PCDHGA3: variants seen among roughly 807,000 people sequenced by gnomAD.
PCDHGA3 encodes the protein protocadherin gamma subfamily A, 3.
Under a neutral mutation model 58.5 loss-of-function variants are expected in PCDHGA3, and 40 were observed. The observed-to-expected ratio is 0.68, with a 90% CI of 0.53 to 0.89. PCDHGA3 has a LOEUF of 0.89. Among genes scored for constraint, PCDHGA3 ranks in the 40% least tolerant of loss-of-function variants. The probability of loss-of-function intolerance (pLI) is 0.00; values close to 1 mark genes in which losing one functional copy is unlikely to be tolerated. For synonymous variants in PCDHGA3, 530 were observed against 525.7 expected (o/e 1.01, Z -0.11); for missense variants, 1,223 against 1,195.9 (o/e 1.02, Z -0.33).
intron 1 of PCDHGA3, chr5:141,404,270 C>T (rs1359018673): frequency 5.0e-6 from 8 of 1,614,010 alleles, no homozygotes; most frequent in Non-Finnish European, 6.8e-6. Flanking sequence ...TCACATCACC[C>T]TGCAAGTGAC....
chr5:141,465,778 A>G (rs544366126), intron 1 of PCDHGA3, among the ~76,000 whole-genome samples: 1 of 148,538 alleles, frequency 6.7e-6, no homozygotes, highest in East Asian at 1.9e-4. Context: ...CTCTTGTTAC[A>G]GTTTTTTTTT....
At chr5:141,450,754 C>G (rs192088793) in intron 1 of PCDHGA3, among the ~76,000 whole-genome samples, 1 of 150,996 alleles carries the variant, frequency 6.6e-6, no homozygotes, top group Non-Finnish European at 1.5e-5. Context: ...CCCAAAGTGC[C>G]GGGATTACAG....
Position 141,384,136 on chromosome 5 carries a change from G to A in PCDHGA3, c.2424+37679G>A. ...GGTCACAACCAAAAACTTGGACCGG[G>A]AAACACTCTCTTTGTATAACATCAC... is the stretch of plus-strand genomic sequence containing the variant. On this transcript the variant is annotated intron_variant, in intron 1 of 3. Coordinates refer to ENST00000253812, the MANE Select transcript of PCDHGA3 (RefSeq NM_018916.4). The A allele has an allele frequency of 1.9e-6, 3 of 1,612,410 alleles. No individual in the cohort carries two copies. In the South Asian group the frequency reaches 3.3e-5, roughly 18 times the overall value.
rs925034052 is a variant in PCDHGA3, at chr5:141,486,630, T to G, written c.2425-8177T>G. 2 of 1,613,690 alleles carry G rather than the reference T, an allele frequency of 1.2e-6. No individual in the cohort carries two copies. Among genetic ancestry groups the G allele is most frequent in the Non-Finnish European group, 1.7e-6 (2 of 1,180,028 alleles). ...GCAGCCTCTGACCCAGACTCTGGCTTGAATGCGCTTATCTCCTACTCACTC... is the reference window on the plus strand; with the variant it reads ...GCAGCCTCTGACCCAGACTCTGGCTGGAATGCGCTTATCTCCTACTCACTC... On this transcript the variant is annotated intron_variant, in intron 1 of 3. Coordinates refer to ENST00000253812, the MANE Select transcript of PCDHGA3 (RefSeq NM_018916.4). This position sits in a 1 kb window ranked among gnomAD's most constrained non-coding sequence, Gnocchi z 5.0.
intron 1 of PCDHGA3, chr5:141,366,989 A>G (rs546484165): frequency 2.1e-6 from 1 of 480,916 alleles, no homozygotes; most frequent in African/African-American, 2.0e-5. Flanking sequence ...GAAAGTGGTT[A>G]AATATAATCA....
At chr5:141,350,388 C>T in intron 1 of PCDHGA3, 1 of 1,596,148 alleles carries the variant, frequency 6.3e-7, no homozygotes, top group Non-Finnish European at 8.6e-7. Flanking sequence ...GCCAACGGCT[C>T]ACGGGTGGGG....
intron 1 of PCDHGA3, chr5:141,415,733 T>C: frequency 7.1e-7 from 1 of 1,407,484 alleles, no homozygotes; most frequent in Non-Finnish European, 9.3e-7. Context: ...ATTTGATGTT[T>C]ATTAAGGTTT....
chr5:141,367,606 T>A (rs1765261229), intron 1 of PCDHGA3: 1 of 152,056 alleles, frequency 6.6e-6, no homozygotes, highest in African/African-American at 2.4e-5. Context: ...ATATTAATGA[T>A]AACATGTAGC....
rs1283050252 is a variant in PCDHGA3, at chr5:141,512,909, T to G, written c.*1736T>G. ...CCTCTTCCTGTGTCTCACGCAAGTT[T>G]TATACTCTAATATTTATATGGCTTT... On this transcript the variant is annotated 3_prime_UTR_variant, in exon 4 of 4. Coordinates refer to ENST00000253812, the MANE Select transcript of PCDHGA3 (RefSeq NM_018916.4). 6.6e-6 allele frequency: 1 copy of G among 152,268 alleles called. No homozygotes were observed. The highest frequency in any genetic ancestry group is 1.5e-5 in the Non-Finnish European group (1 of 68,056). 9.4% of individuals were successfully genotyped at this position (152,268 alleles called of 1,614,324 possible).
intron 1 of PCDHGA3, chr5:141,412,044 A>T (rs1403784619): frequency 6.6e-6 from 1 of 152,194 alleles, no homozygotes; most frequent in East Asian, 1.9e-4. Context: ...AAAGAAGTGA[A>T]CTTCTATACC....
rs779462820 is a variant in PCDHGA3, at chr5:141,374,112, G to A, written c.2424+27655G>A. ...GCGCCTCCGCAGAGGCATCCGCAGC[G>A]CAGCGAGCAGGTCCTGCTCCTCACG... On this transcript the variant is annotated intron_variant, in intron 1 of 3. Coordinates refer to ENST00000253812, the MANE Select transcript of PCDHGA3 (RefSeq NM_018916.4). The A allele has an allele frequency of 5.1e-6, 8 of 1,578,426 alleles. No homozygotes were observed. The African/African-American group carries it at 9.5e-5, about 19-fold the overall frequency.
intron 1 of PCDHGA3, chr5:141,384,204 A>T: frequency 4.3e-6 from 7 of 1,613,886 alleles, no homozygotes; most frequent in Non-Finnish European, 5.9e-6. Flanking sequence ...TGTCCAGGGA[A>T]ACTCACATAT....
At chr5:141,384,694 G>A (rs772190655) in intron 1 of PCDHGA3, 1 of 1,614,084 alleles carries the variant, frequency 6.2e-7, no homozygotes, top group Non-Finnish European at 8.5e-7. Context: ...CAAAGATTCA[G>A]GCCAGAACGC....
intron 2 of PCDHGA3, among the ~76,000 whole-genome samples, 177 bp from the exon 3 acceptor site, chr5:141,505,216 T>C (rs547855353): frequency 1.1e-4 from 17 of 152,234 alleles, no homozygotes; most frequent in Non-Finnish European, 2.9e-5. Context: ...AGGGACTGAC[T>C]TGTGGGATTC....
chr5:141,360,853 C>G (rs1463247472), intron 1 of PCDHGA3: 16 of 1,613,992 alleles, frequency 9.9e-6, no homozygotes, highest in Non-Finnish European at 1.4e-5. Context: ...CGATAACCCT[C>G]CAGTGTTCAG....
At chr5:141,349,875 G>A (rs919038227) in intron 1 of PCDHGA3, among the ~76,000 whole-genome samples, 1 of 152,078 alleles carries the variant, frequency 6.6e-6, no homozygotes, top group African/African-American at 2.4e-5. Flanking sequence ...AATGATGAAG[G>A]CCCTTATCTG....
intron 2 of PCDHGA3, among the ~76,000 whole-genome samples, chr5:141,500,008 C>T (rs1027220192): frequency 6.6e-6 from 1 of 151,770 alleles, no homozygotes; most frequent in African/African-American, 2.4e-5. Flanking sequence ...TTCATAAGGT[C>T]CACATTTTAT....
At chr5:141,371,323 A>C in intron 1 of PCDHGA3, 5 of 1,614,012 alleles carry the variant, frequency 3.1e-6, no homozygotes, top group Non-Finnish European at 4.2e-6. Flanking sequence ...CTGGACTTTG[A>C]AGAGAGAGAT....
intron 1 of PCDHGA3, chr5:141,364,932 A>G (rs1447586286): frequency 6.2e-7 from 1 of 1,613,886 alleles, no homozygotes. Context: ...CAGCCCCTAG[A>G]CCGCGAGAAA....
Sources: allele counts gnomAD v4.1 joint callset (sites outside exome capture counted in the v4.1 genomes callset), GRCh38; gene constraint gnomAD v4.1.1; non-coding constraint Gnocchi (gnomAD v3.1); transcripts MANE v1.5; gene names NCBI Gene and HGNC (gene_info 2026-07-23, HGNC 2026-07-21).